Variants in BIVM observed in about 807,000 individuals in gnomAD.
BIVM encodes basic, immunoglobulin-like variable motif containing, also known as basic immunoglobulin-like variable motif-containing protein.
Under a neutral mutation model 61.4 loss-of-function variants are expected in BIVM, and 31 were observed. The ratio of observed to expected loss-of-function variants is 0.51; its 90% CI spans 0.38 to 0.68. BIVM has a LOEUF of 0.68. Ranked by LOEUF, BIVM falls within the 30% of genes least tolerant of loss-of-function variation. The pLI, the probability that BIVM is intolerant of heterozygous loss-of-function variation, is 0.00. For missense variants in BIVM, 526 were observed against 596.0 expected, an observed-to-expected ratio of 0.88 and a Z score of 1.22; for synonymous variants, 189 against 210.7, an observed-to-expected ratio of 0.90 and a Z score of 0.89.
At chr13:102,801,542 C>G (rs1878757840) in intron 1 of BIVM, 1 of 152,116 alleles carries the variant, frequency 6.6e-6, no homozygotes, top group African/African-American at 2.4e-5. Flanking sequence ...TGTGAGCCAC[C>G]ACGCCGGCTT....
rs904746504 is a variant in BIVM at position 102,815,818 on chromosome 13, G to A, written c.479-610G>A. On this transcript the variant is annotated intron_variant, in intron 3 of 10. Transcript: ENST00000257336. ...ATACATAGATGCATACATGCACACAGGAGGCTTGCTTTTCATTCTAGTTTC... is the reference window on the plus strand; with the variant it reads ...ATACATAGATGCATACATGCACACAAGAGGCTTGCTTTTCATTCTAGTTTC... Among the ~76,000 whole-genome samples the A allele has an allele frequency of 7.8e-4, 119 of 152,170 alleles. 1 individual carries two copies. Among genetic ancestry groups the A allele is most frequent in the African/African-American group, 2.8e-3 (114 of 41,450 alleles).
chr13:102,800,646 C>G (rs1306100123), intron 1 of BIVM: 1 of 152,360 alleles, frequency 6.6e-6, no homozygotes, highest in Non-Finnish European at 1.5e-5. Flanking sequence ...TCCCGGCCTC[C>G]CCAGGGGCGC....
intron 8 of BIVM, among the ~76,000 whole-genome samples, chr13:102,834,111 T>G (rs539224440): frequency 4.6e-5 from 7 of 152,322 alleles, no homozygotes; most frequent in Admixed American, 3.9e-4. Context: ...GCTTTAGGGT[T>G]TCATTTTTAG....
intron 7 of BIVM, among the ~76,000 whole-genome samples, chr13:102,828,603 T>G (rs1880839798): frequency 6.6e-6 from 1 of 152,260 alleles, no homozygotes; most frequent in Admixed American, 6.5e-5. Flanking sequence ...CTCTTGAACA[T>G]GCAGTGCTAA....
At chr13:102,806,571 T>A (rs371461517) in intron 2 of BIVM, among the ~76,000 whole-genome samples, 1 of 152,116 alleles carries the variant, frequency 6.6e-6, no homozygotes, top group South Asian at 2.1e-4. Flanking sequence ...TCTGTACTGA[T>A]TTTGGAGAAG....
chr13:102,826,452 A>T (rs1271289470), intron 7 of BIVM, among the ~76,000 whole-genome samples: 1 of 152,178 alleles, frequency 6.6e-6, no homozygotes, highest in Non-Finnish European at 1.5e-5. Flanking sequence ...ATTGCCTTTT[A>T]CATTATAAAT....
At chr13:102,803,876 A>G (rs780523908) in intron 1 of BIVM, among the ~76,000 whole-genome samples, 27 of 152,214 alleles carry the variant, frequency 1.8e-4, no homozygotes, top group Non-Finnish European at 3.1e-4. Context: ...TCTGTCTTCC[A>G]AAAAGACAAG....
chr13:102,837,998 G>A (rs183257940), intron 9 of BIVM, among the ~76,000 whole-genome samples: 2 of 152,112 alleles, frequency 1.3e-5, no homozygotes, highest in Admixed American at 6.5e-5. Context: ...AATCACCACC[G>A]AAGAACTTAT....
Position 102,809,931 on chromosome 13 carries a change from G to A in BIVM, c.478+2186G>A, listed in dbSNP as rs140018924. On this transcript the variant is annotated intron_variant, in intron 3 of 10. Coordinates refer to ENST00000257336, the MANE Select transcript of BIVM (RefSeq NM_017693.4). ...CTCCCGAGTACCTGGGACTACAGGCGCCTGTCACCGTGCCCGGCTACTTTT... is the reference window on the plus strand; with the variant it reads ...CTCCCGAGTACCTGGGACTACAGGCACCTGTCACCGTGCCCGGCTACTTTT... Among the ~76,000 whole-genome samples, 281 of 152,008 alleles carry A rather than the reference G, an allele frequency of 1.8e-3. 5 individuals carry two copies. In the East Asian group the frequency reaches 0.031, roughly 17 times the overall value.
intron 7 of BIVM, among the ~76,000 whole-genome samples, chr13:102,822,605 T>C (rs1008802914): frequency 6.6e-6 from 1 of 152,198 alleles, no homozygotes; most frequent in Non-Finnish European, 1.5e-5. Flanking sequence ...GGCAGGAAAA[T>C]AGACTGTTGA....
chr13:102,809,872 G>A (rs913370626), intron 3 of BIVM, among the ~76,000 whole-genome samples: 1 of 149,130 alleles, frequency 6.7e-6, no homozygotes, highest in Non-Finnish European at 1.5e-5. Context: ...TGCAAGCTCC[G>A]CCTCCCGGGT....
intron 3 of BIVM, among the ~76,000 whole-genome samples, chr13:102,808,541 T>A (rs1879261827): frequency 6.6e-6 from 1 of 152,174 alleles, no homozygotes; most frequent in Non-Finnish European, 1.5e-5. Context: ...TTTCATAGAA[T>A]TTTAGGTAAA....
intron 2 of BIVM, among the ~76,000 whole-genome samples, chr13:102,806,602 C>T (rs1879105791): frequency 1.3e-5 from 2 of 152,054 alleles, no homozygotes; most frequent in African/African-American, 4.8e-5. Context: ...GATACTTTGC[C>T]CATTTTTAAA....
intron 4 of BIVM, chr13:102,820,565 G>A: frequency 6.2e-6 from 1 of 162,424 alleles, no homozygotes. Context: ...TCTGTGACAG[G>A]AGAAGCACTG....
At chr13:102,804,685 C>A (rs1310281483) in intron 1 of BIVM, among the ~76,000 whole-genome samples, 1 of 151,544 alleles carries the variant, frequency 6.6e-6, no homozygotes, top group Non-Finnish European at 1.5e-5. Context: ...GTCTTGAACT[C>A]CTGACCTCAA....
At chr13:102,827,467 T>C (rs200745987) in intron 7 of BIVM, among the ~76,000 whole-genome samples, 3 of 145,836 alleles carry the variant, frequency 2.1e-5, no homozygotes, top group African/African-American at 7.6e-5. Context: ...ATTTTTTTTT[T>C]CCAGAATATT....
At chr13:102,804,739 C>A (rs1878956894) in intron 1 of BIVM, among the ~76,000 whole-genome samples, 1 of 152,182 alleles carries the variant, frequency 6.6e-6, no homozygotes, top group Admixed American at 6.5e-5. Context: ...GGATTACAGG[C>A]ATGAGCCACC....
At chr13:102,834,652 C>G in intron 9 of BIVM, 100 bp downstream of exon 9, 2 of 1,143,352 alleles carry the variant, frequency 1.7e-6, no homozygotes, top group Non-Finnish European at 2.4e-6. Flanking sequence ...TAAATGAATG[C>G]ACCTGTATAA....
rs1167941850 is a variant in BIVM, at chr13:102,839,751, C to T, written c.1398C>T (p.Gly466=). The part of the protein sequence containing the change: ...NISKKQHGRL[G]RSFSASFHQD... ...CCAAGAAGCAGCATGGGCGTCTGGGCCGGTCTTTCAGTGCTAGTTTCCATC... is the reference window on the plus strand; with the variant it reads ...CCAAGAAGCAGCATGGGCGTCTGGGTCGGTCTTTCAGTGCTAGTTTCCATC... Residue 466 remains glycine, a synonymous_variant, in exon 11 of 11, where the codon GGC becomes GGT. Coordinates refer to ENST00000257336, the MANE Select transcript of BIVM (RefSeq NM_017693.4). The T allele has an allele frequency of 1.9e-6, 3 of 1,614,110 alleles. No homozygotes were observed. Among genetic ancestry groups the T allele is most frequent in the Non-Finnish European group, 2.5e-6 (3 of 1,180,030 alleles).
Sources: allele counts gnomAD v4.1 joint callset (sites outside exome capture counted in the v4.1 genomes callset), GRCh38; gene constraint gnomAD v4.1.1; transcripts MANE v1.5; gene names NCBI Gene and HGNC (gene_info 2026-07-23, HGNC 2026-07-21).